WDR5: variants seen among roughly 807,000 people sequenced by gnomAD.
The protein encoded by WDR5 is WD repeat domain 5, also known as WD repeat-containing protein 5.
For synonymous variants in WDR5, 144 were observed against 161.6 expected, an observed-to-expected ratio of 0.89 and a Z score of 0.83; for missense variants, 187 against 416.9, an observed-to-expected ratio of 0.45 and a Z score of 4.80.
chr9:134,152,545 G>C (rs1832548039), intron 9 of WDR5, among the ~76,000 whole-genome samples: 1 of 152,344 alleles, frequency 6.6e-6, no homozygotes, highest in South Asian at 2.1e-4. Context: ...GTCTGTGACG[G>C]CCCGGGGTTC....
At chr9:134,137,773 C>T (rs554216230) in intron 1 of WDR5, among the ~76,000 whole-genome samples, 4 of 152,134 alleles carry the variant, frequency 2.6e-5, no homozygotes, top group African/African-American at 9.7e-5. Flanking sequence ...CGCCACCCCC[C>T]GACGGAGTTT....
intron 1 of WDR5, among the ~76,000 whole-genome samples, chr9:134,138,335 C>CCCTGG (rs71380296): frequency 0.37 from 56,736 of 151,788 alleles, 11,371 homozygotes; most frequent in Non-Finnish European, 0.45. Flanking sequence ...TCAGCTCTGG[C>CCCTGG]CCTGGCCTGG....
chr9:134,142,371 T>C lies in WDR5; in HGVS notation c.393T>C (p.Tyr131=), dbSNP rs1401065220. The stretch of plus-strand genomic sequence containing the variant: ...AAACCCTGAAGGGACACAGTAATTA[T>C]GTCTTTTGCTGCAACTTCAATCCCC... ...CLKTLKGHSN[Y]VFCCNFNPQS... The change falls in exon 6 of 14, where the codon TAT becomes TAC. Residue 131 remains tyrosine (Y), a synonymous_variant. Transcript: ENST00000358625. The C allele has an allele frequency of 1.2e-6, 2 of 1,614,208 alleles. No homozygotes were observed. Among genetic ancestry groups the C allele is most frequent in the East Asian group, 2.2e-5 (1 of 44,886 alleles).
intron 5 of WDR5, 57 bp downstream of exon 5, chr9:134,142,095 G>A (rs1831920946): frequency 6.5e-7 from 1 of 1,548,510 alleles, no homozygotes; most frequent in African/African-American, 1.4e-5. Flanking sequence ...CACGGGGCAG[G>A]TGCGGGGGAC....
In WDR5 at chr9:134,158,056, G is replaced by A; in HGVS notation, c.*63G>A. On this transcript the variant is annotated 3_prime_UTR_variant, in exon 14 of 14. Coordinates refer to ENST00000358625, the MANE Select transcript of WDR5 (RefSeq NM_017588.3). The stretch of plus-strand genomic sequence containing the variant: ...TTGACCCGGATTGGCAAGAAACAGG[G>A]TGTCTTGGAGGTGGTCCCCCAGATC... The A allele has an allele frequency of 2.7e-6, 4 of 1,497,792 alleles. No homozygotes were observed. Among genetic ancestry groups the A allele is most frequent in the Middle Eastern group, 1.7e-4 (1 of 5,832 alleles). The allele number at this position is 1,497,792 out of a possible 1,614,324, so 92.8% of individuals were successfully genotyped here.
At chr9:134,142,274 C>T (rs1043633934) in intron 5 of WDR5, 59 bp from the exon 6 acceptor site, 3 of 1,547,926 alleles carry the variant, frequency 1.9e-6, no homozygotes, top group African/African-American at 2.7e-5. Flanking sequence ...TGAATGTGAC[C>T]TGACTCTTAC....
At chr9:134,137,151 C>T (rs988641944) in intron 1 of WDR5, among the ~76,000 whole-genome samples, 3 of 152,156 alleles carry the variant, frequency 2.0e-5, no homozygotes, top group Non-Finnish European at 4.4e-5. Flanking sequence ...CAGGAATCGG[C>T]CTGTGGCATG....
chr9:134,149,601 G>A (rs924689155), intron 8 of WDR5, among the ~76,000 whole-genome samples: 3 of 152,158 alleles, frequency 2.0e-5, no homozygotes, highest in Admixed American at 6.6e-5. Context: ...AAGTGAGCAC[G>A]GGACAGTCTC....
At position 134,142,716 on chromosome 9, in the gene WDR5, G is replaced by A. The variant is rs1034520104; in HGVS notation, c.525G>A (p.Ser175=). Residue 175 remains serine (S), a synonymous_variant, in exon 7 of 14, where the codon TCG becomes TCA. Transcript: ENST00000358625. The stretch of plus-strand genomic sequence containing the variant: ...TGCCAGCTCACTCGGATCCAGTCTC[G>A]GCCGTAAGTCCCTCTGACACGGATG... ...KTLPAHSDPV[S]AVHFNRDGSL... is the part of the protein sequence containing the mutation. The A allele has an allele frequency of 1.9e-6, 3 of 1,614,164 alleles. No homozygotes were observed. Among genetic ancestry groups the A allele is most frequent in the South Asian group, 2.2e-5 (2 of 91,082 alleles).
At chr9:134,140,639 C>T (rs1324278998) in intron 2 of WDR5, 64 bp from the exon 3 acceptor site, 3 of 1,402,376 alleles carry the variant, frequency 2.1e-6, no homozygotes, top group African/African-American at 1.4e-5. Context: ...GAGTCAAAAT[C>T]CAAACTGGTC....
chr9:134,144,109 C>T (rs28477108), intron 7 of WDR5, among the ~76,000 whole-genome samples: 3,439 of 152,348 alleles, frequency 0.023, 127 homozygotes, highest in African/African-American at 0.077. Context: ...AGATGGCAGG[C>T]GAAGCCCTGA....
At chr9:134,145,667 C>T (rs1413952255) in intron 7 of WDR5, among the ~76,000 whole-genome samples, 1 of 152,264 alleles carries the variant, frequency 6.6e-6, no homozygotes, top group Non-Finnish European at 1.5e-5. Context: ...ATGTGGCCCC[C>T]TGCTCACTGC....
At chr9:134,141,660 G>A (rs1005542051) in intron 4 of WDR5, 77 bp downstream of exon 4, 7 of 1,429,302 alleles carry the variant, frequency 4.9e-6, no homozygotes, top group Non-Finnish European at 6.8e-6. Context: ...GGGCTGCTTC[G>A]AGAGCTGTGG....
chr9:134,153,491 A>G (rs1357389055), intron 9 of WDR5, among the ~76,000 whole-genome samples: 1 of 152,198 alleles, frequency 6.6e-6, no homozygotes, highest in Non-Finnish European at 1.5e-5. Context: ...GCTTGCCATC[A>G]GCTGTGTTAA....
At chr9:134,142,145 C>T (rs1457493134) in intron 5 of WDR5, 107 bp downstream of exon 5, 4 of 976,890 alleles carry the variant, frequency 4.1e-6, no homozygotes, top group Non-Finnish European at 6.1e-6. Flanking sequence ...GCGCTCCTCT[C>T]CAGGGAAGAC....
At position 134,158,025 on chromosome 9, in the gene WDR5, G is replaced by A. The variant is rs758149336; in HGVS notation, c.*32G>A. On this transcript the variant is annotated 3_prime_UTR_variant, in exon 14 of 14. Coordinates refer to ENST00000358625, the MANE Select transcript of WDR5 (RefSeq NM_017588.3). ...TTGCTCCTGCCCGCGAGAGACTGTC[G>A]GGAAGTTGACCCGGATTGGCAAGAA... 5.0e-6 allele frequency: 8 copies of A among 1,604,496 alleles called. No homozygotes were observed. The Admixed American group carries it at 5.0e-5, about 10-fold the overall frequency.
chr9:134,139,698 T>A, intron 1 of WDR5, 122 bp from the exon 2 acceptor site: 1 of 636,950 alleles, frequency 1.6e-6, no homozygotes, highest in Non-Finnish European at 2.6e-6. Flanking sequence ...TTTGGAATGG[T>A]TTGTTTGCTA....
In WDR5 at chr9:134,159,729, C is replaced by T. The variant is rs1832908589; in HGVS notation, c.*1736C>T. 1 of 152,142 alleles carries T rather than the reference C, an allele frequency of 6.6e-6. No individual in the cohort carries two copies. Among genetic ancestry groups the T allele is most frequent in the Non-Finnish European group, 1.5e-5 (1 of 68,066 alleles). 9.4% of individuals were successfully genotyped at this position (152,142 alleles called of 1,614,324 possible). On this transcript the variant is annotated 3_prime_UTR_variant, in exon 14 of 14. Transcript: ENST00000358625. The surrounding 1 kb of genome is among the most constrained non-coding windows in gnomAD (Gnocchi z 4.3). ...GGTCTGGGCGCCTCGCATTTGCAGT[C>T]TGTTGTGACAGACACGGGGAGCTCC...
At chr9:134,153,606 C>G (rs1832602725) in intron 9 of WDR5, among the ~76,000 whole-genome samples, 1 of 152,254 alleles carries the variant, frequency 6.6e-6, no homozygotes, top group African/African-American at 2.4e-5. Context: ...GTCTCCCGTG[C>G]CTTTTCAGTG....
Sources: gnomAD v4.1 joint callset for allele counts (sites outside exome capture counted in the v4.1 genomes callset) on GRCh38, gnomAD v4.1.1 for gene constraint, Gnocchi (gnomAD v3.1) non-coding constraint, MANE v1.5 for transcripts, NCBI Gene and HGNC (gene_info 2026-07-23, HGNC 2026-07-21) for gene names.